IGSF10: variants seen among roughly 807,000 people sequenced by gnomAD.
The protein encoded by IGSF10 is calvaria mechanical force protein 608.
A neutral mutation model predicts 128.2 loss-of-function variants in IGSF10; 126 were observed. The ratio of observed to expected loss-of-function variants is 0.98; its 90% CI spans 0.85 to 1.14. The LOEUF is 1.14. Ranked by LOEUF, IGSF10 falls within the 50% of genes most tolerant of loss-of-function variation. IGSF10 has a pLI of 0.00. For missense variants in IGSF10, 3,295 were observed against 3,149.8 expected (o/e 1.05, Z -1.10); for synonymous variants, 1,185 against 1,146.2 (o/e 1.03, Z -0.68).
the IGSF10 span, among the ~76,000 whole-genome samples, chr3:151,597,395 A>G: frequency 4.6e-5 from 7 of 152,228 alleles, no homozygotes; most frequent in African/African-American, 1.7e-4. Flanking sequence ...GATCAGAGCC[A>G]GCTTTTCTGA....
chr3:151,576,524 C>T, the IGSF10 span, among the ~76,000 whole-genome samples: 2 of 152,062 alleles, frequency 1.3e-5, no homozygotes, highest in South Asian at 2.1e-4. Flanking sequence ...ACAGACAATT[C>T]GTTTGGTCTC....
the IGSF10 span, among the ~76,000 whole-genome samples, chr3:151,607,200 G>A: frequency 6.6e-6 from 1 of 152,174 alleles, no homozygotes; most frequent in African/African-American, 2.4e-5. Context: ...TAGAGGCTGA[G>A]TATTGGCAGA....
intron 4 of IGSF10, 101 bp from the exon 5 acceptor site, chr3:151,453,875 G>C (rs1577675529): frequency 1.5e-6 from 1 of 685,682 alleles, no homozygotes; most frequent in East Asian, 2.6e-5. Context: ...TTAATTCAGT[G>C]CAATTTATAT....
the IGSF10 span, among the ~76,000 whole-genome samples, chr3:151,550,361 T>C: frequency 1.3e-5 from 2 of 152,192 alleles, no homozygotes; most frequent in African/African-American, 4.8e-5. Flanking sequence ...TCTTTTATAA[T>C]CTTTAATTGA....
chr3:151,601,030 GAAA>G, the IGSF10 span, among the ~76,000 whole-genome samples: 2 of 139,042 alleles, frequency 1.4e-5, no homozygotes, highest in African/African-American at 2.6e-5. Flanking sequence ...TTGTAGACAG[GAAA>G]AAAAAAAAAA....
At chr3:151,592,409 G>A in the IGSF10 span, among the ~76,000 whole-genome samples, 2 of 152,154 alleles carry the variant, frequency 1.3e-5, no homozygotes, top group Admixed American at 6.5e-5. Context: ...GGACTTTGTT[G>A]TTGAAGGCAC....
chr3:151,499,715 G>A, the IGSF10 span: 1 of 152,116 alleles, frequency 6.6e-6, no homozygotes, highest in Admixed American at 6.6e-5. Flanking sequence ...AGTGGTTTCA[G>A]GTGCCCCATT....
At chr3:151,577,340 A>G in the IGSF10 span, among the ~76,000 whole-genome samples, 3 of 152,186 alleles carry the variant, frequency 2.0e-5, no homozygotes. Flanking sequence ...ATGTCCGCCC[A>G]TATTAAGGGG....
the IGSF10 span, among the ~76,000 whole-genome samples, chr3:151,611,123 A>G: frequency 6.6e-6 from 1 of 152,198 alleles, no homozygotes; most frequent in Admixed American, 6.5e-5. Flanking sequence ...ATTGTTATAA[A>G]TCAAGTTGGG....
At chr3:151,617,808 G>A in the IGSF10 span, among the ~76,000 whole-genome samples, 2 of 152,008 alleles carry the variant, frequency 1.3e-5, no homozygotes, top group African/African-American at 2.4e-5. Flanking sequence ...GGTCATGAGG[G>A]TTCTGCCCTC....
the IGSF10 span, among the ~76,000 whole-genome samples, chr3:151,593,194 G>T: frequency 1.3e-5 from 2 of 151,858 alleles, no homozygotes; most frequent in East Asian, 1.9e-4. Context: ...GTAGGGACAT[G>T]ATGATAGCTC....
At chr3:151,484,089 A>T in the IGSF10 span, among the ~76,000 whole-genome samples, 1 of 152,210 alleles carries the variant, frequency 6.6e-6, no homozygotes, top group Non-Finnish European at 1.5e-5. Context: ...TCTGAGCTCA[A>T]CCTGGAATGC....
chr3:151,534,753 T>C, the IGSF10 span, among the ~76,000 whole-genome samples: 3 of 151,778 alleles, frequency 2.0e-5, no homozygotes, highest in East Asian at 1.9e-4. Context: ...TGTGTACCTA[T>C]GTAACAAACC....
chr3:151,516,207 C>G, the IGSF10 span, among the ~76,000 whole-genome samples: 2 of 151,956 alleles, frequency 1.3e-5, no homozygotes, highest in Admixed American at 6.6e-5. Flanking sequence ...GAACTGTACA[C>G]CCATTGGAAA....
the IGSF10 span, among the ~76,000 whole-genome samples, chr3:151,518,468 A>G: frequency 6.6e-6 from 1 of 152,050 alleles, no homozygotes; most frequent in East Asian, 1.9e-4. Flanking sequence ...AACAGTAAAA[A>G]CAATTAGGTT....
the IGSF10 span, among the ~76,000 whole-genome samples, chr3:151,533,158 A>G: frequency 6.6e-6 from 1 of 152,118 alleles, no homozygotes; most frequent in South Asian, 2.1e-4. Flanking sequence ...AGGAAATAAG[A>G]GAGAACACAA....
chr3:151,513,001 C>G, the IGSF10 span, among the ~76,000 whole-genome samples: 1 of 152,094 alleles, frequency 6.6e-6, no homozygotes, highest in East Asian at 1.9e-4. Context: ...AAGTCCAGGA[C>G]CAGATGGATT....
chr3:151,443,282 A>G lies in IGSF10; in HGVS notation c.5665T>C (p.Phe1889Leu), dbSNP rs1720968230. The G allele has an allele frequency of 6.2e-7, 1 of 1,612,406 alleles. No individual in the cohort carries two copies. Among genetic ancestry groups the G allele is most frequent in the South Asian group, 1.1e-5 (1 of 90,998 alleles). ...SDGTEVKPLQ[F>L]TNSKLFLFSN... ...AATAAGAACAACTTGGAATTGGTAAACTGTAATGGTTTCACTTCAGTGCCA... is the reference window on the plus strand; with the variant it reads ...AATAAGAACAACTTGGAATTGGTAAGCTGTAATGGTTTCACTTCAGTGCCA... Residue 1889 changes from phenylalanine (F) to leucine (L), a missense_variant, in exon 7 of 8, where the codon TTT becomes CTT. Physicochemically the swap from Phe to Leu is conservative, Grantham distance 22. Coordinates refer to ENST00000282466, the MANE Select transcript of IGSF10 (RefSeq NM_178822.5).
the IGSF10 span, among the ~76,000 whole-genome samples, chr3:151,547,488 G>T: frequency 6.6e-6 from 1 of 151,124 alleles, no homozygotes; most frequent in South Asian, 2.1e-4. Flanking sequence ...GTTGCCAATT[G>T]TCTAGGTCTT....
Sources: gnomAD v4.1 joint callset for allele counts (sites outside exome capture counted in the v4.1 genomes callset) on GRCh38, gnomAD v4.1.1 for gene constraint, MANE v1.5 for transcripts, NCBI Gene and HGNC (gene_info 2026-07-23, HGNC 2026-07-21) for gene names.